ARHGEF37: variants seen among roughly 807,000 people sequenced by gnomAD.
The protein encoded by ARHGEF37 is Rho guanine nucleotide exchange factor 37, also known as Rho guanine nucleotide exchange factor (GEF) 37.
In ARHGEF37, 55 loss-of-function variants were observed where a neutral mutation model predicts 71.1. That is an observed-to-expected ratio of 0.77 (90% confidence interval 0.62 to 0.97). The LOEUF (loss-of-function observed/expected upper bound fraction) is 0.97, where lower values mean the gene tolerates loss of function less well. Ranked by LOEUF, ARHGEF37 falls within the 50% of genes least tolerant of loss-of-function variation. The pLI is 0.00. For missense variants in ARHGEF37, 765 were observed against 836.8 expected (o/e 0.91, Z 1.06); for synonymous variants, 327 against 350.6 (o/e 0.93, Z 0.75).
chr5:149,621,042 G>T (rs1357967085), intron 8 of ARHGEF37, among the ~76,000 whole-genome samples: 1 of 152,146 alleles, frequency 6.6e-6, no homozygotes, highest in Non-Finnish European at 1.5e-5. Flanking sequence ...TGGCTACTTT[G>T]AATAACCCCA....
At chr5:149,583,760 GTTTA>G (rs1763165984) in intron 1 of ARHGEF37, among the ~76,000 whole-genome samples, 1 of 152,078 alleles carries the variant, frequency 6.6e-6, no homozygotes. Context: ...TGAAGAATTT[GTTTA>G]TTTGTTTGTT....
intron 2 of ARHGEF37, among the ~76,000 whole-genome samples, chr5:149,598,799 GATAT>G (rs1272174431): frequency 7.4e-6 from 1 of 135,280 alleles, no homozygotes; most frequent in Non-Finnish European, 1.6e-5. Context: ...TAGATATATA[GATAT>G]ATATATGTGT....
chr5:149,562,419 C>T (rs1561782123), intron 1 of ARHGEF37, among the ~76,000 whole-genome samples: 1 of 152,138 alleles, frequency 6.6e-6, no homozygotes, highest in Non-Finnish European at 1.5e-5. Flanking sequence ...TACCCAAGAA[C>T]ACCAGCTTTT....
chr5:149,556,860 A>G lies in ARHGEF37; in HGVS notation c.-12+4737A>G, dbSNP rs570199809. ...TTACACAGTCCTGTGCATAATCAGC[A>G]TCAGATAAGGGAATTCATGGAGTAA... On this transcript the variant is annotated intron_variant, in intron 1 of 2. Coordinates refer to the ARHGEF37 transcript ENST00000505810. Among the ~76,000 whole-genome samples, 7 of 152,354 alleles carry G rather than the reference A, an allele frequency of 4.6e-5. No individual in the cohort carries two copies. The South Asian group carries it at 6.2e-4, about 14-fold the overall frequency.
chr5:149,593,351 A>C (rs1051888840), intron 1 of ARHGEF37, among the ~76,000 whole-genome samples: 27 of 152,240 alleles, frequency 1.8e-4, no homozygotes, highest in African/African-American at 6.0e-4. Flanking sequence ...GGCAATTGCC[A>C]ATCTTTCTGT....
At chr5:149,580,584 T>TC (rs1763087801), upstream of ARHGEF37, among the ~76,000 whole-genome samples, 1 of 152,146 alleles carries the variant, frequency 6.6e-6, no homozygotes, top group Admixed American at 6.5e-5. Flanking sequence ...AGCTTAAGTT[T>TC]CTCTCTCTTG....
At chr5:149,569,093 T>C (rs1762932502) in intron 1 of ARHGEF37, among the ~76,000 whole-genome samples, 2 of 152,092 alleles carry the variant, frequency 1.3e-5, no homozygotes, top group African/African-American at 4.8e-5. Context: ...CTTTTTTTTG[T>C]AAAGTAGTAC....
chr5:149,590,169 CTG>C lies in ARHGEF37; in HGVS notation c.-11-7587_-11-7586del, dbSNP rs1763360189. ...TGAATGTGGGAATGCCCAAATCCCT[CTG>C]TGCCAGTGTGAACAGAAGAGAAGAG... is the stretch of plus-strand genomic sequence containing the variant. On this transcript the variant is annotated intron_variant, in intron 1 of 12. Transcript: ENST00000333677. Among the ~76,000 whole-genome samples the C allele has an allele frequency of 2.0e-5, 3 of 148,854 alleles. No individual in the cohort carries two copies. The East Asian group carries it at 5.9e-4, about 29-fold the overall frequency.
At chr5:149,591,450 C>T (rs560905311) in intron 1 of ARHGEF37, among the ~76,000 whole-genome samples, 1 of 152,260 alleles carries the variant, frequency 6.6e-6, no homozygotes, top group Non-Finnish European at 1.5e-5. Flanking sequence ...GTAGTGCCCT[C>T]ATAGCTCACT....
intron 5 of ARHGEF37, among the ~76,000 whole-genome samples, chr5:149,617,298 A>G (rs1348623333): frequency 1.3e-5 from 2 of 152,208 alleles, no homozygotes; most frequent in Admixed American, 6.5e-5. Context: ...AGTGAGATCA[A>G]TCTCATCCAA....
At chr5:149,577,086 T>C (rs762161358), upstream of ARHGEF37, among the ~76,000 whole-genome samples, 2 of 152,090 alleles carry the variant, frequency 1.3e-5, no homozygotes, top group Admixed American at 6.6e-5. Flanking sequence ...AGAAACACTG[T>C]GGTATAGTAG....
chr5:149,563,047 A>C (rs1317145624), intron 1 of ARHGEF37, among the ~76,000 whole-genome samples: 1 of 152,122 alleles, frequency 6.6e-6, no homozygotes, highest in African/African-American at 2.4e-5. Flanking sequence ...TTTGAGAGTC[A>C]GCACCCATCT....
At chr5:149,597,108 T>G (rs983257896) in intron 1 of ARHGEF37, among the ~76,000 whole-genome samples, 5 of 151,598 alleles carry the variant, frequency 3.3e-5, no homozygotes, top group African/African-American at 1.2e-4. Flanking sequence ...TGGGATGGGG[T>G]GTAGGGGGAC....
At chr5:149,557,237 C>T (rs188665640) in intron 1 of ARHGEF37, among the ~76,000 whole-genome samples, 19 of 152,300 alleles carry the variant, frequency 1.2e-4, no homozygotes, top group African/African-American at 4.1e-4. Flanking sequence ...CATGCCATTA[C>T]GCCCGAGACC....
In ARHGEF37 at chr5:149,632,518, G is replaced by A; in HGVS notation, c.*327G>A. On this transcript the variant is annotated 3_prime_UTR_variant, in exon 13 of 13. Coordinates refer to ENST00000333677, the MANE Select transcript of ARHGEF37 (RefSeq NM_001001669.3). ...GTTATGGCCAGTCTTAGCTGTGCCT[G>A]CATCCGGGCCTGCCTGTGGGCGTGG... 3.2e-6 allele frequency: 1 copy of A among 308,826 alleles called. No individual in the cohort carries two copies. The highest frequency in any genetic ancestry group is 5.2e-5 in the South Asian group (1 of 19,356). The allele number at this position is 308,826 out of a possible 1,614,324, so 19.1% of individuals were successfully genotyped here. A position where few individuals can be genotyped will look rare whatever the true frequency, so the allele number is the denominator to read the frequency against.
intron 1 of ARHGEF37, among the ~76,000 whole-genome samples, chr5:149,586,932 T>C (rs936334420): frequency 6.6e-6 from 1 of 152,226 alleles, no homozygotes; most frequent in Non-Finnish European, 1.5e-5. Context: ...TCTAGTTGAC[T>C]GTCAGTAAGA....
At chr5:149,560,852 G>GAT (rs1762819923) in intron 1 of ARHGEF37, among the ~76,000 whole-genome samples, 1 of 152,178 alleles carries the variant, frequency 6.6e-6, no homozygotes, top group East Asian at 1.9e-4. Context: ...GTCTTTTACA[G>GAT]CTTCTTAAAA....
At chr5:149,619,180 T>G in intron 7 of ARHGEF37, 138 bp downstream of exon 7, 5 of 705,602 alleles carry the variant, frequency 7.1e-6, no homozygotes, top group African/African-American at 1.8e-5. Context: ...GTCTCATCTC[T>G]TCTGGAGAAT....
chr5:149,602,526 T>C (rs1763786301), intron 3 of ARHGEF37, among the ~76,000 whole-genome samples: 1 of 151,900 alleles, frequency 6.6e-6, no homozygotes, highest in Admixed American at 6.6e-5. Flanking sequence ...CTCACTCTGT[T>C]GCCCAGTCTA....
Sources: allele counts gnomAD v4.1 joint callset (sites outside exome capture counted in the v4.1 genomes callset), GRCh38; gene constraint gnomAD v4.1.1; transcripts MANE v1.5; gene names NCBI Gene and HGNC (gene_info 2026-07-23, HGNC 2026-07-21).